The following ARHGAP22 variants were observed in gnomAD, a reference collection of about 807,000 sequenced individuals.
ARHGAP22 encodes the protein rho GTPase-activating protein 22.
ARHGAP22 carries 48 observed loss-of-function variants against 59.1 expected under a neutral mutation model. That is an observed-to-expected ratio of 0.81 (90% CI 0.64 to 1.03). The LOEUF (loss-of-function observed/expected upper bound fraction) is 1.03, where lower values mean the gene tolerates loss of function less well. ARHGAP22 is among the 50% of genes least tolerant of loss of function. The pLI is 0.00. For missense variants in ARHGAP22, 1,015 were observed against 958.7 expected, an observed-to-expected ratio of 1.06 and a Z score of -0.78; for synonymous variants, 445 against 416.4, an observed-to-expected ratio of 1.07 and a Z score of -0.84.
intron 1 of ARHGAP22, among the ~76,000 whole-genome samples, chr10:48,634,445 T>C (rs558943181): frequency 6.6e-6 from 1 of 152,116 alleles, no homozygotes; most frequent in East Asian, 1.9e-4. Flanking sequence ...ATTCCCAGAG[T>C]CAAATCATTT....
At chr10:48,603,926 C>A (rs2060531586) in intron 1 of ARHGAP22, among the ~76,000 whole-genome samples, 1 of 152,240 alleles carries the variant, frequency 6.6e-6, no homozygotes, top group Non-Finnish European at 1.5e-5. Context: ...ATGCTCCATC[C>A]ACCTCCAAAG....
chr10:48,538,069 A>G (rs1007458646), intron 3 of ARHGAP22, among the ~76,000 whole-genome samples: 3 of 152,194 alleles, frequency 2.0e-5, no homozygotes, highest in African/African-American at 7.2e-5. Context: ...GCTTAAAACA[A>G]CAGAAACTTC....
chr10:48,586,744 G>A (rs1435485745), intron 1 of ARHGAP22, among the ~76,000 whole-genome samples: 1 of 152,184 alleles, frequency 6.6e-6, no homozygotes, highest in Non-Finnish European at 1.5e-5. Context: ...GATTTTGGGT[G>A]ATTAATCAAC....
At chr10:48,583,607 G>A (rs1234843527) in intron 1 of ARHGAP22, among the ~76,000 whole-genome samples, 2 of 152,190 alleles carry the variant, frequency 1.3e-5, no homozygotes, top group Non-Finnish European at 2.9e-5. Context: ...AGGGGACAAA[G>A]TAGTGAAATA....
chr10:48,493,075 T>A (rs2050564860), intron 3 of ARHGAP22, among the ~76,000 whole-genome samples: 1 of 152,234 alleles, frequency 6.6e-6, no homozygotes, highest in Non-Finnish European at 1.5e-5. Flanking sequence ...AGCAGCCACA[T>A]GTGGCTGGTG....
chr10:48,539,084 T>TTCA (rs2055651309), intron 3 of ARHGAP22, among the ~76,000 whole-genome samples: 1 of 152,198 alleles, frequency 6.6e-6, no homozygotes, highest in African/African-American at 2.4e-5. Context: ...GTCTCACCAT[T>TTCA]GCCTTGACCA....
chr10:48,603,668 A>G (rs1458497392), intron 1 of ARHGAP22, among the ~76,000 whole-genome samples: 1 of 152,182 alleles, frequency 6.6e-6, no homozygotes, highest in Non-Finnish European at 1.5e-5. Flanking sequence ...CCCCCTCCTC[A>G]GCAGAGCCAT....
chr10:48,457,174 C>G (rs2046617951), intron 5 of ARHGAP22, among the ~76,000 whole-genome samples: 1 of 152,094 alleles, frequency 6.6e-6, no homozygotes, highest in Non-Finnish European at 1.5e-5. Context: ...CAGGGAACCC[C>G]CCGCCCACGC....
intron 1 of ARHGAP22, among the ~76,000 whole-genome samples, chr10:48,644,340 T>A (rs2136178986): frequency 6.6e-6 from 1 of 152,248 alleles, no homozygotes; most frequent in East Asian, 1.9e-4. Flanking sequence ...GAGTTGGAGA[T>A]TTCCATATCC....
At chr10:48,542,887 T>C (rs995444798) in intron 3 of ARHGAP22, among the ~76,000 whole-genome samples, 1 of 152,124 alleles carries the variant, frequency 6.6e-6, no homozygotes, top group Non-Finnish European at 1.5e-5. Flanking sequence ...CTTGCCCAGG[T>C]TGGTGTCTGT....
intron 1 of ARHGAP22, among the ~76,000 whole-genome samples, chr10:48,593,437 C>G (rs970249681): frequency 6.6e-6 from 1 of 152,224 alleles, no homozygotes; most frequent in African/African-American, 2.4e-5. Flanking sequence ...ACCCTGTATA[C>G]AGTTTTTCCT....
chr10:48,652,334 G>T (rs1029341431), exon 1 of ARHGAP22: 109 of 1,472,650 alleles, frequency 7.4e-5, no homozygotes, highest in Non-Finnish European at 9.9e-5. Flanking sequence ...TTTTTATAAA[G>T]AACCAACCAC....
chr10:48,539,706 G>A (rs1405391058), intron 3 of ARHGAP22, among the ~76,000 whole-genome samples: 1 of 152,154 alleles, frequency 6.6e-6, no homozygotes, highest in African/African-American at 2.4e-5. Context: ...TAGGCATTCT[G>A]AATACCTTTC....
intron 3 of ARHGAP22, among the ~76,000 whole-genome samples, chr10:48,551,515 C>T (rs2056888887): frequency 6.6e-6 from 1 of 152,242 alleles, no homozygotes; most frequent in African/African-American, 2.4e-5. Context: ...CCAAGCAAGA[C>T]ACAAATGCCA....
At chr10:48,585,894 G>A (rs1019052936) in intron 1 of ARHGAP22, among the ~76,000 whole-genome samples, 7 of 152,168 alleles carry the variant, frequency 4.6e-5, no homozygotes, top group South Asian at 2.1e-4. Flanking sequence ...AGAGACTAAC[G>A]GGAAGGCAAA....
At chr10:48,556,252 C>G (rs1161240087) in intron 2 of ARHGAP22, among the ~76,000 whole-genome samples, 1 of 151,880 alleles carries the variant, frequency 6.6e-6, no homozygotes, top group African/African-American at 2.4e-5. Context: ...CGCTCAATGT[C>G]TCTGAACCTC....
chr10:48,556,607 C>T (rs977648581), intron 2 of ARHGAP22: 13 of 152,210 alleles, frequency 8.5e-5, no homozygotes, highest in African/African-American at 1.4e-4. Context: ...ATTGTTCAAC[C>T]TGTCTGTGCC....
chr10:48,560,814 A>G (rs541271650), intron 2 of ARHGAP22, among the ~76,000 whole-genome samples: 34 of 152,280 alleles, frequency 2.2e-4, no homozygotes, highest in African/African-American at 7.7e-4. Context: ...TAATTTTCAA[A>G]CATTAAATCA....
At chr10:48,540,270 C>G (rs1008555361) in intron 3 of ARHGAP22, among the ~76,000 whole-genome samples, 9 of 152,234 alleles carry the variant, frequency 5.9e-5, no homozygotes, top group Non-Finnish European at 1.2e-4. Flanking sequence ...AGCTTTTGCT[C>G]TTGCTGCCCA....
Sources: gnomAD v4.1 joint callset for allele counts (sites outside exome capture counted in the v4.1 genomes callset) on GRCh38, gnomAD v4.1.1 for gene constraint, MANE v1.5 for transcripts, NCBI Gene and HGNC (gene_info 2026-07-23, HGNC 2026-07-21) for gene names.